The following HS3ST3A1 variants were observed in gnomAD, a reference collection of about 807,000 sequenced individuals.
The protein encoded by HS3ST3A1 is heparan sulfate-glucosamine 3-sulfotransferase 3A1.
In HS3ST3A1, 19 loss-of-function variants were observed where a neutral mutation model predicts 25.7. The ratio of observed to expected loss-of-function variants is 0.74; its 90% CI spans 0.52 to 1.08. The LOEUF is 1.08. Among genes scored for constraint, HS3ST3A1 ranks in the 50% least tolerant of loss-of-function variants. The pLI, the probability that HS3ST3A1 is intolerant of heterozygous loss-of-function variation, is 0.00. For missense variants in HS3ST3A1, 459 were observed against 594.3 expected (o/e 0.77, Z 2.37); for synonymous variants, 226 against 278.6 (o/e 0.81, Z 1.88).
chr17:13,504,780 G>A (rs1197143937), intron 1 of HS3ST3A1, among the ~76,000 whole-genome samples: 3 of 152,134 alleles, frequency 2.0e-5, no homozygotes, highest in African/African-American at 2.4e-5. Flanking sequence ...AGGTAAAGGA[G>A]TGGAGCTCAT....
At position 13,568,575 on chromosome 17, in the gene HS3ST3A1, CT is replaced by C. The variant is rs1907730155; in HGVS notation, c.599+31955del. Among the ~76,000 whole-genome samples, 4 of 152,168 alleles carry C rather than the reference CT, an allele frequency of 2.6e-5. No individual in the cohort carries two copies. The South Asian group carries it at 6.2e-4, about 24-fold the overall frequency. On this transcript the variant is annotated intron_variant, in intron 1 of 1. Transcript: ENST00000284110. Reference sequence around the variant, plus strand: ...TTTTTCATAATAATTTTAATATTTTCTTTTGTTTCTTTAATTTGAAACAAGC... The same window carrying C: ...TTTTTCATAATAATTTTAATATTTTCTTTGTTTCTTTAATTTGAAACAAGC...
intron 1 of HS3ST3A1, among the ~76,000 whole-genome samples, chr17:13,582,204 A>G (rs1908132472): frequency 6.6e-6 from 1 of 152,286 alleles, no homozygotes; most frequent in East Asian, 1.9e-4. Flanking sequence ...AATAGTTCAA[A>G]TTTTTAGCGG....
chr17:13,587,538 A>G (rs1171454297), intron 1 of HS3ST3A1, among the ~76,000 whole-genome samples: 2 of 152,242 alleles, frequency 1.3e-5, no homozygotes, highest in African/African-American at 4.8e-5. Context: ...GCACAGACAG[A>G]TGAGTGAATA....
intron 1 of HS3ST3A1, among the ~76,000 whole-genome samples, chr17:13,556,324 T>C (rs1384142761): frequency 6.6e-6 from 1 of 150,382 alleles, no homozygotes; most frequent in Non-Finnish European, 1.5e-5. Flanking sequence ...CTGGCTAACA[T>C]GGTGAAACCC....
chr17:13,497,403 A>C (rs549570528), intron 1 of HS3ST3A1, among the ~76,000 whole-genome samples: 1 of 152,294 alleles, frequency 6.6e-6, no homozygotes, highest in South Asian at 2.1e-4. Flanking sequence ...TCATATTCTA[A>C]ATATGTTGAT....
At chr17:13,598,324 G>A (rs1438489376) in intron 1 of HS3ST3A1, among the ~76,000 whole-genome samples, 2 of 152,052 alleles carry the variant, frequency 1.3e-5, no homozygotes, top group South Asian at 2.1e-4. Context: ...CAAGTTCAGA[G>A]CCAAGATGAA....
At chr17:13,570,025 G>A (rs754691593) in intron 1 of HS3ST3A1, among the ~76,000 whole-genome samples, 15 of 152,322 alleles carry the variant, frequency 9.8e-5, no homozygotes, top group Middle Eastern at 6.8e-3. Context: ...TGCAGAAGAT[G>A]GGAGTTAGCT....
intron 1 of HS3ST3A1, among the ~76,000 whole-genome samples, chr17:13,567,856 G>C (rs890263079): frequency 6.6e-6 from 1 of 152,232 alleles, no homozygotes; most frequent in Non-Finnish European, 1.5e-5. Context: ...TAAAGATGCT[G>C]TGAGCATTGT....
chr17:13,597,021 T>C (rs924044609), intron 1 of HS3ST3A1, among the ~76,000 whole-genome samples: 5 of 152,158 alleles, frequency 3.3e-5, no homozygotes, highest in Non-Finnish European at 5.9e-5. Flanking sequence ...TTGATCTTCC[T>C]GTATGCTCTA....
At chr17:13,544,641 C>T (rs1206104019) in intron 1 of HS3ST3A1, among the ~76,000 whole-genome samples, 1 of 152,168 alleles carries the variant, frequency 6.6e-6, no homozygotes, top group East Asian at 1.9e-4. Context: ...GAGCAGATGG[C>T]GCCTCCACAA....
rs9908008 is a variant in HS3ST3A1 at position 13,508,901 on chromosome 17, G to C, written c.600-12083C>G. ...ACCGTGGGGCCATCTCTGGACTTCC[G>C]ACATTCTTTGTGTACCAAGCAAAAA... On this transcript the variant is annotated intron_variant, in intron 1 of 1. Coordinates refer to ENST00000284110, the MANE Select transcript of HS3ST3A1 (RefSeq NM_006042.3). Among the ~76,000 whole-genome samples the C allele has an allele frequency of 6.8e-3, 1,030 of 152,122 alleles. 10 individuals carry two copies. The highest frequency in any genetic ancestry group is 0.023 in the African/African-American group (972 of 41,494).
At chr17:13,569,459 A>C (rs189163230) in intron 1 of HS3ST3A1, among the ~76,000 whole-genome samples, 1 of 152,320 alleles carries the variant, frequency 6.6e-6, no homozygotes, top group East Asian at 1.9e-4. Context: ...GAGGCTAGGC[A>C]TCCAAGCTCC....
chr17:13,587,210 C>T (rs1198755021), intron 1 of HS3ST3A1, among the ~76,000 whole-genome samples: 1 of 151,912 alleles, frequency 6.6e-6, no homozygotes, highest in Non-Finnish European at 1.5e-5. Flanking sequence ...AATCCCAGCA[C>T]TTTGGGAGGC....
intron 1 of HS3ST3A1, among the ~76,000 whole-genome samples, chr17:13,540,012 C>T (rs559636384): frequency 7.2e-4 from 109 of 152,346 alleles, no homozygotes; most frequent in Non-Finnish European, 1.4e-3. Context: ...AATCCCCTCT[C>T]TAAAACATGG....
chr17:13,547,254 G>C (rs1191217301), intron 1 of HS3ST3A1, among the ~76,000 whole-genome samples: 1 of 152,130 alleles, frequency 6.6e-6, no homozygotes, highest in African/African-American at 2.4e-5. Context: ...TCCTGACACA[G>C]CTCCTAAAGC....
intron 1 of HS3ST3A1, among the ~76,000 whole-genome samples, chr17:13,523,317 G>A (rs1906307357): frequency 6.6e-6 from 1 of 151,942 alleles, no homozygotes; most frequent in Non-Finnish European, 1.5e-5. Flanking sequence ...AATTTCTTGA[G>A]CAGGAAACTG....
intron 1 of HS3ST3A1, among the ~76,000 whole-genome samples, chr17:13,594,728 G>A (rs1201194894): frequency 6.6e-6 from 1 of 150,642 alleles, no homozygotes; most frequent in Non-Finnish European, 1.5e-5. Context: ...TCTCTCCAAA[G>A]AATAAATTCC....
rs1039576267 is a variant in HS3ST3A1 at position 13,596,858 on chromosome 17, C to T, written c.599+3673G>A. 5.9e-5 allele frequency among the ~76,000 whole-genome samples: 9 copies of T among 152,100 alleles called. 1 individual carries two copies. Among genetic ancestry groups the T allele is most frequent in the Non-Finnish European group, 4.4e-5 (3 of 68,014 alleles). On this transcript the variant is annotated intron_variant, in intron 1 of 1. Transcript: ENST00000284110. Reference sequence around the variant, plus strand: ...GCTGCTCCCAGCTGCTACGAAATGCCAATTTCTCCTCCTAGGAATCGAAAG... The same window carrying T: ...GCTGCTCCCAGCTGCTACGAAATGCTAATTTCTCCTCCTAGGAATCGAAAG...
At chr17:13,526,474 T>TTATATA (rs58701744) in intron 1 of HS3ST3A1, among the ~76,000 whole-genome samples, 1,881 of 75,856 alleles carry the variant, frequency 0.025, 50 homozygotes, top group Middle Eastern at 0.044. Flanking sequence ...ACTTTAATTT[T>TTATATA]TATATATATA....
Sources: gnomAD v4.1 joint callset for allele counts (sites outside exome capture counted in the v4.1 genomes callset) on GRCh38, gnomAD v4.1.1 for gene constraint, MANE v1.5 for transcripts, NCBI Gene and HGNC (gene_info 2026-07-23, HGNC 2026-07-21) for gene names.